Variants in PRKAA1 observed in about 807,000 individuals in gnomAD.
PRKAA1 encodes 5'-AMP-activated protein kinase catalytic subunit alpha-1.
PRKAA1 carries 23 observed loss-of-function variants against 56.9 expected under a neutral mutation model. That is an observed-to-expected ratio of 0.40 (90% CI 0.29 to 0.57). PRKAA1 has a LOEUF of 0.57. Among genes scored for constraint, PRKAA1 ranks in the 20% least tolerant of loss-of-function variants. The probability of loss-of-function intolerance (pLI) is 0.39; values close to 1 mark genes in which losing one functional copy is unlikely to be tolerated. For missense variants in PRKAA1, 413 were observed against 679.7 expected (o/e 0.61, Z 4.36); for synonymous variants, 226 against 227.0 (o/e 1.00, Z 0.04).
chr5:40,771,936 C>G (rs1743767276), intron 3 of PRKAA1, 73 bp from the exon 4 acceptor site: 1 of 1,518,916 alleles, frequency 6.6e-7, no homozygotes. Flanking sequence ...ATTCTCCAAC[C>G]TATAAAATTG....
chr5:40,767,012 T>C (rs945312664), intron 6 of PRKAA1, among the ~76,000 whole-genome samples: 2 of 151,708 alleles, frequency 1.3e-5, no homozygotes, highest in Admixed American at 1.3e-4. Flanking sequence ...AGCAAAACCT[T>C]GTCTCAAAAA....
At position 40,760,460 on chromosome 5, in the gene PRKAA1, C is replaced by T. The variant is rs1453013609; in HGVS notation, c.*2318G>A. 1 of 152,712 alleles carries T rather than the reference C, an allele frequency of 6.5e-6. No individual in the cohort carries two copies. The allele number at this position is 152,712 out of a possible 1,614,324, so 9.5% of individuals were successfully genotyped here. On this transcript the variant is annotated 3_prime_UTR_variant, in exon 9 of 9. Transcript: ENST00000397128. ...CACAACAGCGTATATAGCGCCATTA[C>T]TTAATTCCATATACAAATTTGTAAC...
chr5:40,794,911 T>C (rs1744858239), intron 1 of PRKAA1, among the ~76,000 whole-genome samples: 1 of 151,178 alleles, frequency 6.6e-6, no homozygotes, highest in Non-Finnish European at 1.5e-5. Flanking sequence ...ACATGCATGT[T>C]TATAGCAGCA....
chr5:40,768,944 G>T, intron 5 of PRKAA1: 1 of 1,497,026 alleles, frequency 6.7e-7, no homozygotes, highest in Non-Finnish European at 9.1e-7. Flanking sequence ...GTCTCTAAAA[G>T]GTTTAAAGAA....
intron 2 of PRKAA1, among the ~76,000 whole-genome samples, chr5:40,776,289 G>A (rs1301842402): frequency 1.3e-5 from 2 of 152,208 alleles, no homozygotes; most frequent in East Asian, 3.8e-4. Context: ...TGGTTCCTAA[G>A]TTTTAGCCCT....
At chr5:40,771,671 A>T (rs764678165) in intron 4 of PRKAA1, 48 bp downstream of exon 4, 1 of 1,552,562 alleles carries the variant, frequency 6.4e-7, no homozygotes, top group Non-Finnish European at 8.7e-7. Context: ...CATTGAAACT[A>T]TAAGAACATT....
intron 3 of PRKAA1, among the ~76,000 whole-genome samples, chr5:40,772,200 G>A (rs988301008): frequency 6.6e-6 from 1 of 152,110 alleles, no homozygotes; most frequent in African/African-American, 2.4e-5. Context: ...AGCGGCAAAT[G>A]TTTACTCTTT....
chr5:40,767,527 T>G lies in PRKAA1; in HGVS notation c.760A>C (p.Ser254Arg). 1 of 1,613,904 alleles carries G rather than the reference T, an allele frequency of 6.2e-7. No individual in the cohort carries two copies. Among genetic ancestry groups the G allele is most frequent in the Non-Finnish European group, 8.5e-7 (1 of 1,179,844 alleles). Residue 254 changes from serine (S) to arginine (R), a missense_variant, in exon 6 of 9, where the codon AGC becomes CGC. By Grantham distance (110) the Ser-to-Arg change is moderately radical (BLOSUM62 -1). Around this residue, in one of 9 missense-constraint regions of PRKAA1, gnomAD observed 113 missense variants for 198.6 expected, o/e 0.57. Transcript: ENST00000397128. ...ACCTGCAGCATATGTTTCAAAAGGC[T>G]AATCACAGAAGGATTTAAATATTGA... Reference protein sequence around the residue: ...TPQYLNPSVISLLKHMLQVDP... With the variant: ...TPQYLNPSVIRLLKHMLQVDP...
chr5:40,773,911 C>CTAAG (rs1465007122), intron 3 of PRKAA1, among the ~76,000 whole-genome samples: 1 of 152,196 alleles, frequency 6.6e-6, no homozygotes, highest in Non-Finnish European at 1.5e-5. Flanking sequence ...AACATGGGGG[C>CTAAG]TAAGACAAAG....
At chr5:40,795,002 T>TACACACACACACACACAC (rs1268975851) in intron 1 of PRKAA1, among the ~76,000 whole-genome samples, 2 of 57,604 alleles carry the variant, frequency 3.5e-5, no homozygotes, top group African/African-American at 1.1e-4. Context: ...GGTGTATACA[T>TACACACACACACACACAC]ATATATACAC....
chr5:40,783,816 C>T (rs1744362178), intron 1 of PRKAA1, among the ~76,000 whole-genome samples: 2 of 152,112 alleles, frequency 1.3e-5, no homozygotes, highest in Non-Finnish European at 1.5e-5. Context: ...AGCAGATTCA[C>T]CTTTTTTGGA....
chr5:40,796,753 C>A (rs1004455163), intron 1 of PRKAA1, among the ~76,000 whole-genome samples: 1 of 152,158 alleles, frequency 6.6e-6, no homozygotes, highest in Admixed American at 6.5e-5. Flanking sequence ...TCTCTTCTAA[C>A]CCTAAATAAA....
At chr5:40,796,483 C>T (rs1744934841) in intron 1 of PRKAA1, among the ~76,000 whole-genome samples, 1 of 151,728 alleles carries the variant, frequency 6.6e-6, no homozygotes, top group Admixed American at 6.6e-5. Flanking sequence ...AACTAAAAAG[C>T]AGTTTGTAAT....
rs371307629 is a variant in PRKAA1 at position 40,763,007 on chromosome 5, G to C, written c.1451C>G (p.Ala484Gly). 48 of 1,613,938 alleles carry C rather than the reference G, an allele frequency of 3.0e-5. No individual in the cohort carries two copies. In the East Asian group the frequency reaches 4.5e-4, roughly 15 times the overall value. ...CTGTGGAGTAGCAGTCCCTGATTTG[G>C]CTTCTGTAATTTCATCTGGGTAAAA... ...FRSIDDEITE[A>G]KSGTATPQRS... Residue 484 changes from alanine (A) to glycine (G), a missense_variant, in exon 9 of 9, where the codon GCC (alanine) becomes GGC (glycine). Transcript: ENST00000397128.
intron 1 of PRKAA1, among the ~76,000 whole-genome samples, chr5:40,783,990 A>G (rs1744368608): frequency 6.6e-6 from 1 of 152,168 alleles, no homozygotes; most frequent in African/African-American, 2.4e-5. Context: ...ACAACCTTCT[A>G]TTTACTCATC....
At chr5:40,769,076 CAT>C (rs753147681) in intron 5 of PRKAA1, 63 of 648,618 alleles carry the variant, frequency 9.7e-5, no homozygotes, top group Non-Finnish European at 1.1e-4. Context: ...CTACACATTA[CAT>C]GTTTAATTTT....
In PRKAA1 at chr5:40,798,257, A is replaced by C. The variant is rs979430058; in HGVS notation, c.-68T>G. 9.7e-6 allele frequency: 4 copies of C among 411,284 alleles called. No individual in the cohort carries two copies. The highest frequency in any genetic ancestry group is 4.2e-5 in the South Asian group (1 of 23,970). The allele number at this position is 411,284 out of a possible 1,614,324, so 25.5% of individuals were successfully genotyped here. A position where few individuals can be genotyped will look rare whatever the true frequency, so the allele number is the denominator to read the frequency against. On this transcript the variant is annotated 5_prime_UTR_variant, in exon 1 of 9. Transcript: ENST00000397128. ...GGGGGCGGGCGGGGAGGGGGTGGGG[A>C]CGCGGGAGGGCAGCCACCGAGCCGA...
At chr5:40,793,522 A>G (rs565189667) in intron 1 of PRKAA1, among the ~76,000 whole-genome samples, 2 of 152,308 alleles carry the variant, frequency 1.3e-5, no homozygotes, top group East Asian at 1.9e-4. Context: ...TCTGCATATC[A>G]ATATCATATA....
rs1181552215 is a variant in PRKAA1 at position 40,760,677 on chromosome 5, A to G, written c.*2101T>C. ...TTGAATAGAACAAGCCCTGGACAAA[A>G]AGCAGCAAGATTTTTCTTTTGAATT... On this transcript the variant is annotated 3_prime_UTR_variant, in exon 9 of 9. Coordinates refer to ENST00000397128, the MANE Select transcript of PRKAA1 (RefSeq NM_006251.6). 1 of 152,726 alleles carries G rather than the reference A, an allele frequency of 6.5e-6. No individual in the cohort carries two copies. Among genetic ancestry groups the G allele is most frequent in the Non-Finnish European group, 1.5e-5 (1 of 67,996 alleles). 9.5% of individuals were successfully genotyped at this position (152,726 alleles called of 1,614,324 possible).
Sources: allele counts gnomAD v4.1 joint callset (sites outside exome capture counted in the v4.1 genomes callset), GRCh38; gene constraint gnomAD v4.1.1; regional missense constraint gnomAD v4.1.1; transcripts MANE v1.5; gene names NCBI Gene and HGNC (gene_info 2026-07-23, HGNC 2026-07-21).